ZBED6: variants seen among roughly 807,000 people sequenced by gnomAD.
ZBED6 encodes zinc finger BED-type containing 6.
In ZBED6, 40 loss-of-function variants were observed where a neutral mutation model predicts 58.4. The ratio of observed to expected loss-of-function variants is 0.68; its 90% CI spans 0.53 to 0.89. The LOEUF is 0.89. Among genes scored for constraint, ZBED6 ranks in the 40% least tolerant of loss-of-function variants. The probability of loss-of-function intolerance (pLI) is 0.00; values close to 1 mark genes in which losing one functional copy is unlikely to be tolerated. For missense variants in ZBED6, 1,057 were observed against 1,003.9 expected (o/e 1.05, Z -0.71); for synonymous variants, 439 against 350.6 (o/e 1.25, Z -2.82).
chr1:203,808,971 C>T (rs1326610518), intron 1 of ZBED6, among the ~76,000 whole-genome samples: 1 of 151,984 alleles, frequency 6.6e-6, no homozygotes, highest in Non-Finnish European at 1.5e-5. Context: ...GCTGGGATTA[C>T]AGGCATTCGC....
intron 11 of ZBED6, among the ~76,000 whole-genome samples, chr1:203,843,682 G>A (rs571849813): frequency 1.3e-5 from 2 of 152,294 alleles, no homozygotes; most frequent in African/African-American, 4.8e-5. Flanking sequence ...ACAAAATTAG[G>A]TGGTGGCCAT....
chr1:203,835,400 G>A (rs988514653), intron 9 of ZBED6, among the ~76,000 whole-genome samples: 2 of 152,114 alleles, frequency 1.3e-5, no homozygotes, highest in East Asian at 3.8e-4. Context: ...TACATTACAC[G>A]TTATACAGTC....
At chr1:203,809,325 A>C (rs1349746197) in intron 1 of ZBED6, among the ~76,000 whole-genome samples, 1 of 151,298 alleles carries the variant, frequency 6.6e-6, no homozygotes, top group African/African-American at 2.4e-5. Flanking sequence ...ACAGGCGCAC[A>C]CTACCGTGCC....
At chr1:203,838,664 A>C (rs984637116) in intron 10 of ZBED6, among the ~76,000 whole-genome samples, 1 of 152,194 alleles carries the variant, frequency 6.6e-6, no homozygotes, top group Admixed American at 6.5e-5. Context: ...GAAAGGTTAT[A>C]AACAGGCCGG....
At chr1:203,825,542 C>G (rs893226387) in intron 3 of ZBED6, among the ~76,000 whole-genome samples, 1 of 148,534 alleles carries the variant, frequency 6.7e-6, no homozygotes, top group African/African-American at 2.5e-5. Flanking sequence ...TCAAGTGATT[C>G]TCCTGTCTCA....
exon 16 of ZBED6, chr1:203,851,083 C>T (rs768955302): frequency 6.2e-7 from 1 of 1,614,154 alleles, no homozygotes; most frequent in Non-Finnish European, 8.5e-7. Context: ...TCTCTGAGGA[C>T]AAATCAGTCA....
chr1:203,804,150 G>GTTTTTTTTTTTTTTTTTTT (rs1209891980), intron 1 of ZBED6, among the ~76,000 whole-genome samples: 1 of 131,018 alleles, frequency 7.6e-6, no homozygotes, highest in Non-Finnish European at 1.6e-5. Context: ...TCCTGTATAT[G>GTTTTTTTTTTTTTTTTTTT]TGTTTTTTTT....
rs1572054783 is a variant in ZBED6, at chr1:203,816,863, A to G, written c.*2555-63A>G. 2.6e-5 allele frequency: 13 copies of G among 493,232 alleles called. No homozygotes were observed. The East Asian group carries it at 4.3e-4, about 16-fold the overall frequency. 30.6% of individuals were successfully genotyped at this position (493,232 alleles called of 1,614,324 possible). On this transcript the variant is annotated intron_variant, in intron 1 of 16. Coordinates refer to ENST00000550078, the Ensembl canonical transcript of ZBED6. ...CTCTAGCAATACGATCTCATTAGCCATGGTGATTTGAAGGAGGAAGAATTT... is the reference window on the plus strand; with the variant it reads ...CTCTAGCAATACGATCTCATTAGCCGTGGTGATTTGAAGGAGGAAGAATTT...
At chr1:203,843,887 C>T (rs1687162901) in intron 11 of ZBED6, among the ~76,000 whole-genome samples, 1 of 150,766 alleles carries the variant, frequency 6.6e-6, no homozygotes, top group Non-Finnish European at 1.5e-5. Context: ...GATGGAGTTT[C>T]GCTCTTGTTG....
At chr1:203,831,573 C>T in intron 7 of ZBED6, 88 bp from the exon 8 acceptor site, 4 of 1,073,038 alleles carry the variant, frequency 3.7e-6, no homozygotes, top group Non-Finnish European at 5.6e-6. Flanking sequence ...CTGTATTGGA[C>T]TTAACTGGTT....
chr1:203,800,801 A>G (rs1670333127), exon 1 of ZBED6: 2 of 169,572 alleles, frequency 1.2e-5, no homozygotes, highest in South Asian at 2.0e-4. Flanking sequence ...TTCCCCCACC[A>G]TGGGAAATTT....
chr1:203,797,559 C>T, exon 1 of ZBED6: 1 of 1,528,138 alleles, frequency 6.5e-7, no homozygotes, highest in Non-Finnish European at 8.7e-7. Flanking sequence ...AGTTTCTTCA[C>T]TCTCTCCTGG....
intron 1 of ZBED6, among the ~76,000 whole-genome samples, chr1:203,811,814 G>T (rs927495218): frequency 4.7e-5 from 7 of 148,362 alleles, no homozygotes; most frequent in East Asian, 4.0e-4. Context: ...AGATAGCTTT[G>T]TCTTTTTCTT....
At chr1:203,814,649 T>A (rs916328429) in intron 1 of ZBED6, among the ~76,000 whole-genome samples, 2 of 152,214 alleles carry the variant, frequency 1.3e-5, no homozygotes, top group African/African-American at 2.4e-5. Context: ...CAGTTTCTTC[T>A]AGGCCTTTTC....
chr1:203,847,800 TGA>T (rs1344779098), intron 12 of ZBED6, 113 bp downstream of exon 12: 2 of 1,431,966 alleles, frequency 1.4e-6, no homozygotes, highest in Admixed American at 4.9e-5. Context: ...CAGATAACGT[TGA>T]AAACACTGAA....
At chr1:203,807,789 C>T (rs1672884629) in intron 1 of ZBED6, among the ~76,000 whole-genome samples, 2 of 151,962 alleles carry the variant, frequency 1.3e-5, no homozygotes, top group African/African-American at 4.8e-5. Flanking sequence ...TTGCGCAGAC[C>T]AGAGTGCAGT....
intron 8 of ZBED6, 115 bp downstream of exon 8, chr1:203,831,886 T>C: frequency 1.3e-6 from 1 of 775,148 alleles, no homozygotes; most frequent in Non-Finnish European, 2.1e-6. Context: ...GTTAGTATGC[T>C]GATGAGATAA....
chr1:203,843,614 C>T (rs966707179), intron 11 of ZBED6, among the ~76,000 whole-genome samples: 6 of 152,166 alleles, frequency 3.9e-5, no homozygotes, highest in African/African-American at 1.4e-4. Flanking sequence ...CAGCCATATG[C>T]ATATGTATGC....
chr1:203,851,673 T>C (rs974854858), intron 16 of ZBED6, among the ~76,000 whole-genome samples: 12 of 151,850 alleles, frequency 7.9e-5, no homozygotes, highest in African/African-American at 2.7e-4. Flanking sequence ...ATAAAAATGC[T>C]TGGTGCTGGC....
Sources: gnomAD v4.1 joint callset for allele counts (sites outside exome capture counted in the v4.1 genomes callset) on GRCh38, gnomAD v4.1.1 for gene constraint, MANE v1.5 for transcripts, NCBI Gene and HGNC (gene_info 2026-07-23, HGNC 2026-07-21) for gene names.